KALRN: variants seen among roughly 807,000 people sequenced by gnomAD.
The protein encoded by KALRN is kalirin RhoGEF kinase, also known as kalirin.
A neutral mutation model predicts 353.7 loss-of-function variants in KALRN; 70 were observed. The ratio of observed to expected loss-of-function variants is 0.20; its 90% CI spans 0.16 to 0.24. KALRN has a LOEUF of 0.24. Among genes scored for constraint, KALRN ranks in the 10% least tolerant of loss-of-function variants. The pLI is 1.00. For synonymous variants in KALRN, 1,391 were observed against 1,434.8 expected (o/e 0.97, Z 0.69); for missense variants, 2,791 against 3,756.7 (o/e 0.74, Z 6.72).
At chr3:124,446,947 A>C (rs1204400636) in intron 21 of KALRN, 62 bp downstream of exon 21, 23 of 1,578,756 alleles carry the variant, frequency 1.5e-5, no homozygotes, top group East Asian at 2.2e-5. Flanking sequence ...GGCCAATTTC[A>C]CATTATGGAA....
chr3:124,155,175 T>A (rs2068792631), intron 1 of KALRN, among the ~76,000 whole-genome samples: 1 of 151,862 alleles, frequency 6.6e-6, no homozygotes, highest in African/African-American at 2.4e-5. Context: ...AACCTGGCCA[T>A]TACCATTCAG....
At chr3:124,675,286 G>T (rs2087031766) in intron 49 of KALRN, 1 of 152,106 alleles carries the variant, frequency 6.6e-6, no homozygotes, top group Non-Finnish European at 1.5e-5. Context: ...ACTATTTAAA[G>T]AAACCCATAT....
At chr3:124,308,825 A>G (rs1431445149) in intron 6 of KALRN, among the ~76,000 whole-genome samples, 1 of 151,894 alleles carries the variant, frequency 6.6e-6, no homozygotes, top group Non-Finnish European at 1.5e-5. Flanking sequence ...TTAGAGTAGA[A>G]ATTAACTAGA....
intron 1 of KALRN, among the ~76,000 whole-genome samples, chr3:124,220,404 G>A (rs188549825): frequency 6.6e-6 from 1 of 151,374 alleles, no homozygotes; most frequent in Admixed American, 6.6e-5. Flanking sequence ...GTGTGTGTAT[G>A]TGTGTGTGTG....
chr3:124,588,711 T>C (rs13072516), intron 34 of KALRN, among the ~76,000 whole-genome samples: 21,563 of 152,180 alleles, frequency 0.14, 1,864 homozygotes, highest in Middle Eastern at 0.21. Context: ...CAGGTGTGAG[T>C]CACCGTGCCC....
chr3:124,170,304 A>G (rs910791610), intron 1 of KALRN, among the ~76,000 whole-genome samples: 12 of 152,310 alleles, frequency 7.9e-5, no homozygotes, highest in African/African-American at 2.6e-4. Context: ...TACAACATCC[A>G]CTGTGTGCCA....
At chr3:124,079,293 G>A (rs149570771) in intron 1 of KALRN, among the ~76,000 whole-genome samples, 40 of 152,256 alleles carry the variant, frequency 2.6e-4, no homozygotes, top group African/African-American at 8.9e-4. Flanking sequence ...AGGGGTCTCC[G>A]TAGACCCTGT....
intron 33 of KALRN, among the ~76,000 whole-genome samples, chr3:124,545,249 T>C (rs1313946358): frequency 1.3e-5 from 2 of 152,210 alleles, no homozygotes; most frequent in Admixed American, 6.5e-5. Flanking sequence ...TTTTTTTGTA[T>C]AGGAAATGTA....
chr3:124,361,476 A>G (rs1169027086), intron 10 of KALRN, among the ~76,000 whole-genome samples: 5 of 152,238 alleles, frequency 3.3e-5, no homozygotes, highest in Non-Finnish European at 1.5e-5. Flanking sequence ...TAATAGATGC[A>G]TATCTACAAT....
chr3:124,454,247 G>A (rs764775574), intron 21 of KALRN, among the ~76,000 whole-genome samples: 8 of 152,194 alleles, frequency 5.3e-5, no homozygotes, highest in Admixed American at 2.0e-4. Context: ...GAGGTTTAGA[G>A]CTGGTACAGT....
chr3:124,291,867 G>T (rs2076448403), intron 5 of KALRN, among the ~76,000 whole-genome samples: 1 of 152,118 alleles, frequency 6.6e-6, no homozygotes, highest in East Asian at 1.9e-4. Flanking sequence ...CCAAAAACAC[G>T]AAGGAAACAA....
At chr3:124,447,213 A>T (rs1238284315) in intron 21 of KALRN, among the ~76,000 whole-genome samples, 1 of 152,140 alleles carries the variant, frequency 6.6e-6, no homozygotes, top group East Asian at 1.9e-4. Flanking sequence ...TAAAAATGTC[A>T]CATGTGCATG....
chr3:124,252,807 G>A (rs985885001), intron 3 of KALRN, among the ~76,000 whole-genome samples: 3 of 152,148 alleles, frequency 2.0e-5, no homozygotes, highest in South Asian at 4.1e-4. Flanking sequence ...CGGAGAGAGC[G>A]CATGAGCAGC....
chr3:124,182,199 T>A (rs147422581), intron 1 of KALRN, among the ~76,000 whole-genome samples: 1 of 152,332 alleles, frequency 6.6e-6, no homozygotes, highest in East Asian at 1.9e-4. Flanking sequence ...TGTAACAAAT[T>A]GCTCCAAAAC....
At chr3:124,510,617 A>G (rs1468654759) in intron 33 of KALRN, among the ~76,000 whole-genome samples, 1 of 152,038 alleles carries the variant, frequency 6.6e-6, no homozygotes, top group African/African-American at 2.4e-5. Flanking sequence ...TAGCCTCCAA[A>G]ACAGTCTATT....
intron 28 of KALRN, among the ~76,000 whole-genome samples, chr3:124,486,369 G>A (rs2062573518): frequency 6.6e-6 from 1 of 152,168 alleles, no homozygotes; most frequent in South Asian, 2.1e-4. Context: ...AGATTGGGAA[G>A]GTTAAAATAA....
chr3:124,330,265 C>CACACAT (rs2080395165), intron 8 of KALRN, among the ~76,000 whole-genome samples: 1 of 151,474 alleles, frequency 6.6e-6, no homozygotes, highest in Non-Finnish European at 1.5e-5. Flanking sequence ...CACACACACA[C>CACACAT]ACACACACAC....
At chr3:124,281,739 G>T (rs2075365094) in intron 5 of KALRN, among the ~76,000 whole-genome samples, 1 of 152,166 alleles carries the variant, frequency 6.6e-6, no homozygotes, top group Non-Finnish European at 1.5e-5. Flanking sequence ...GGTGCTCAAA[G>T]ATCTCATTCC....
At chr3:124,333,962 C>T (rs775326567) in intron 8 of KALRN, among the ~76,000 whole-genome samples, 9 of 152,204 alleles carry the variant, frequency 5.9e-5, no homozygotes, top group East Asian at 1.9e-4. Flanking sequence ...GGCATTGGGG[C>T]GAGAGCAGCA....
Sources: gnomAD v4.1 joint callset for allele counts (sites outside exome capture counted in the v4.1 genomes callset) on GRCh38, gnomAD v4.1.1 for gene constraint, MANE v1.5 for transcripts, NCBI Gene and HGNC (gene_info 2026-07-23, HGNC 2026-07-21) for gene names.